SH3RF1: variants seen among roughly 807,000 people sequenced by gnomAD.
SH3RF1 encodes SH3 domain containing ring finger 1, also known as E3 ubiquitin-protein ligase SH3RF1.
A neutral mutation model predicts 74.0 loss-of-function variants in SH3RF1; 32 were observed. The observed-to-expected ratio is 0.43, with a 90% confidence interval of 0.33 to 0.58. The LOEUF (loss-of-function observed/expected upper bound fraction) is 0.58, where lower values mean the gene tolerates loss of function less well. SH3RF1 is among the 20% of genes least tolerant of loss of function. The pLI is 0.05. For synonymous variants in SH3RF1, 396 were observed against 439.6 expected (o/e 0.90, Z 1.24); for missense variants, 954 against 1,130.9 (o/e 0.84, Z 2.24).
chr4:169,233,658 G>A (rs1273710851), intron 2 of SH3RF1, among the ~76,000 whole-genome samples: 1 of 152,186 alleles, frequency 6.6e-6, no homozygotes, highest in Non-Finnish European at 1.5e-5. Context: ...AAAAATGGAA[G>A]TTATATTTGA....
chr4:169,152,724 C>T (rs761737876), intron 4 of SH3RF1, among the ~76,000 whole-genome samples: 10 of 152,064 alleles, frequency 6.6e-5, no homozygotes, highest in Admixed American at 5.9e-4. Context: ...GCAACAAGAG[C>T]GAAACTCTAT....
At chr4:169,236,711 C>T (rs1416542365) in intron 2 of SH3RF1, among the ~76,000 whole-genome samples, 1 of 152,188 alleles carries the variant, frequency 6.6e-6, no homozygotes, top group Non-Finnish European at 1.5e-5. Flanking sequence ...TGTAAGCTAA[C>T]TCATGGATAT....
chr4:169,256,428 G>T (rs919407767), intron 2 of SH3RF1, among the ~76,000 whole-genome samples: 1 of 152,162 alleles, frequency 6.6e-6, no homozygotes, highest in Non-Finnish European at 1.5e-5. Flanking sequence ...CACTATAGTC[G>T]TAAAACCAGA....
chr4:169,117,135 A>G (rs1033649974), intron 9 of SH3RF1, among the ~76,000 whole-genome samples: 1 of 152,188 alleles, frequency 6.6e-6, no homozygotes, highest in African/African-American at 2.4e-5. Flanking sequence ...TTAAGATCCC[A>G]TAGGGTCCAA....
At chr4:169,255,936 T>G (rs1731186659) in intron 2 of SH3RF1, among the ~76,000 whole-genome samples, 1 of 152,002 alleles carries the variant, frequency 6.6e-6, no homozygotes, top group African/African-American at 2.4e-5. Context: ...CCAAGCTAAT[T>G]TTTTTGTTTT....
rs1390108097 is a variant in SH3RF1 at position 169,110,091 on chromosome 4, G to A, written c.2140-2886C>T. On this transcript the variant is annotated intron_variant, in intron 10 of 11. Transcript: ENST00000284637. ...ATTTGAACAAAGAAAATGAACGTTA[G>A]AGGCCGGGCACAGTGGCTTACACCT... Among the ~76,000 whole-genome samples, 15 of 144,380 alleles carry A rather than the reference G, an allele frequency of 1.0e-4. No homozygotes were observed. The East Asian group carries it at 3.2e-3, about 31-fold the overall frequency. 94.7% of individuals were successfully genotyped at this position (144,380 alleles called of 152,430 possible).
intron 2 of SH3RF1, among the ~76,000 whole-genome samples, chr4:169,257,139 G>A (rs1016713869): frequency 2.0e-5 from 3 of 152,232 alleles, no homozygotes; most frequent in Non-Finnish European, 1.5e-5. Flanking sequence ...AGGAACAGAG[G>A]AAGTTCTGCC....
chr4:169,237,875 C>A (rs184145206), intron 2 of SH3RF1, among the ~76,000 whole-genome samples: 1 of 152,218 alleles, frequency 6.6e-6, no homozygotes, highest in Non-Finnish European at 1.5e-5. Flanking sequence ...ATGATTTCCC[C>A]CCCGCTCCAC....
At chr4:169,107,586 A>G (rs1198243861) in intron 10 of SH3RF1, among the ~76,000 whole-genome samples, 4 of 152,270 alleles carry the variant, frequency 2.6e-5, no homozygotes, top group African/African-American at 9.6e-5. Context: ...TAAAAGCATT[A>G]GTAGATATTT....
intron 2 of SH3RF1, among the ~76,000 whole-genome samples, chr4:169,176,540 G>T (rs1579120977): frequency 6.6e-6 from 1 of 152,064 alleles, no homozygotes; most frequent in Admixed American, 6.5e-5. Context: ...AATGTTGAGG[G>T]TTTTGTTTGG....
chr4:169,160,598 A>G (rs113385619), intron 2 of SH3RF1, among the ~76,000 whole-genome samples: 11 of 152,316 alleles, frequency 7.2e-5, no homozygotes, highest in African/African-American at 2.6e-4. Flanking sequence ...ACCCATGAAC[A>G]AACATTTGTG....
Position 169,156,680 on chromosome 4 carries a change from CT to C in SH3RF1, c.394-2del. 2.6e-6 allele frequency: 4 copies of C among 1,550,274 alleles called. No homozygotes were observed. Among genetic ancestry groups the C allele is most frequent in the Admixed American group, 2.0e-5 (1 of 48,966 alleles). ...TGGCACATGGTAACTGAGGTATACC[CT>C]TTAAAAAAAAAAGAGGGATGAATTT... is the stretch of plus-strand genomic sequence containing the variant. On this transcript the variant is annotated splice_acceptor_variant, in intron 2 of 11. Transcript: ENST00000284637. LOFTEE classifies it high-confidence loss of function.
chr4:169,136,528 G>A lies in SH3RF1; in HGVS notation c.858C>T (p.Ser286=). Residue 286 remains serine, a synonymous_variant, in exon 5 of 12, where the codon AGC becomes AGT. Transcript: ENST00000284637. ...AGECSSAAAQ[S]STAPKHSDTK... ...TGTCGGAGTGCTTTGGGGCAGTGCT[G>A]CTCTGGGCTGCTGCCGAGGAACATT... 1 of 1,612,120 alleles carries A rather than the reference G, an allele frequency of 6.2e-7. No individual in the cohort carries two copies. The highest frequency in any genetic ancestry group is 1.1e-5 in the South Asian group (1 of 90,948).
intron 4 of SH3RF1, among the ~76,000 whole-genome samples, chr4:169,138,349 T>C (rs1359846026): frequency 6.6e-6 from 1 of 152,144 alleles, no homozygotes; most frequent in East Asian, 1.9e-4. Context: ...ACAAAGCAGA[T>C]TGAAAAGCTA....
At position 169,106,832 on chromosome 4, in the gene SH3RF1, C is replaced by T. The variant is rs375451149; in HGVS notation, c.2498+15G>A. 5.6e-5 allele frequency: 86 copies of T among 1,523,734 alleles called. No individual in the cohort carries two copies. Among genetic ancestry groups the T allele is most frequent in the Non-Finnish European group, 6.9e-5 (78 of 1,133,768 alleles). 94.4% of individuals were successfully genotyped at this position (1,523,734 alleles called of 1,614,324 possible). A position where few individuals can be genotyped will look rare whatever the true frequency, so the allele number is the denominator to read the frequency against. On this transcript the variant is annotated intron_variant, in intron 11 of 11. Transcript: ENST00000284637. ...TTCATTTTTTAGTTTTTTCCTGGAA[C>T]GAAGTTGAACTTACCTTTCACAAAC...
intron 6 of SH3RF1, among the ~76,000 whole-genome samples, chr4:169,124,988 T>C (rs931757813): frequency 2.9e-5 from 4 of 139,218 alleles, no homozygotes; most frequent in African/African-American, 1.4e-4. Flanking sequence ...ATACACTCTC[T>C]ACTACAGGCA....
rs1561038887 is a variant in SH3RF1 at position 169,155,430 on chromosome 4, TTTAG to T, written c.765+46_765+49del. 7 of 1,402,570 alleles carry T rather than the reference TTTAG, an allele frequency of 5.0e-6. No homozygotes were observed. The South Asian group carries it at 8.2e-5, about 16-fold the overall frequency. The allele number at this position is 1,402,570 out of a possible 1,614,324, so 86.9% of individuals were successfully genotyped here. ...ACTCAAATTGCATAATTAAGATTTA[TTTAG>T]TAAGCTGAATATTAACACAGTTCAA... On this transcript the variant is annotated intron_variant, in intron 4 of 11. Transcript: ENST00000284637.
chr4:169,119,604 A>G (rs1733404493), intron 8 of SH3RF1, among the ~76,000 whole-genome samples: 3 of 151,940 alleles, frequency 2.0e-5, no homozygotes, highest in Admixed American at 2.0e-4. Context: ...TCTGGATGGG[A>G]TGGATTCTGA....
chr4:169,103,934 C>T (rs1456529371), intron 11 of SH3RF1, among the ~76,000 whole-genome samples: 1 of 152,232 alleles, frequency 6.6e-6, no homozygotes, highest in Non-Finnish European at 1.5e-5. Context: ...CCAGGCCCAT[C>T]TGTCCTGTCA....
Sources: gnomAD v4.1 joint callset for allele counts (sites outside exome capture counted in the v4.1 genomes callset) on GRCh38, gnomAD v4.1.1 for gene constraint, MANE v1.5 for transcripts, NCBI Gene and HGNC (gene_info 2026-07-23, HGNC 2026-07-21) for gene names.